Variants in ARMC9 observed in about 807,000 individuals in gnomAD.
ARMC9 encodes lisH domain-containing protein ARMC9.
A neutral mutation model predicts 107.0 loss-of-function variants in ARMC9; 94 were observed. The observed-to-expected ratio is 0.88, with a 90% confidence interval of 0.74 to 1.04. The LOEUF is 1.04. Ranked by LOEUF, ARMC9 falls within the 50% of genes least tolerant of loss-of-function variation. The pLI is 0.00. For missense variants in ARMC9, 942 were observed against 1,030.1 expected (o/e 0.91, Z 1.17); for synonymous variants, 380 against 396.9 (o/e 0.96, Z 0.51).
chr2:231,271,223 ATTG>A (rs2039302079), intron 13 of ARMC9, 151 bp downstream of exon 13: 3 of 768,996 alleles, frequency 3.9e-6, no homozygotes, highest in East Asian at 2.7e-5. Flanking sequence ...GTGAAAATTA[ATTG>A]TTGTCATATT....
At chr2:231,371,468 G>T (rs1015740445) in intron 24 of ARMC9, 45 bp from the exon 25 acceptor site, 1 of 1,272,344 alleles carries the variant, frequency 7.9e-7, no homozygotes, top group African/African-American at 1.5e-5. Context: ...GATTCTGTGC[G>T]GAGACCACAC....
At chr2:231,315,238 C>CAAAAACAAAAAACA (rs2042596779) in intron 19 of ARMC9, among the ~76,000 whole-genome samples, 1 of 94,308 alleles carries the variant, frequency 1.1e-5, no homozygotes, top group African/African-American at 3.7e-5. Flanking sequence ...GACTCTATCT[C>CAAAAACAAAAAACA]AAAAAAAAAA....
intron 21 of ARMC9, among the ~76,000 whole-genome samples, chr2:231,351,564 T>C (rs1358798602): frequency 6.6e-6 from 1 of 152,148 alleles, no homozygotes; most frequent in Non-Finnish European, 1.5e-5. Context: ...TAGTATAGTT[T>C]TTTCCTACAT....
intron 3 of ARMC9, among the ~76,000 whole-genome samples, chr2:231,214,267 C>T (rs2033242015): frequency 1.3e-5 from 2 of 152,212 alleles, no homozygotes; most frequent in Admixed American, 6.5e-5. Flanking sequence ...ATAATGGGGT[C>T]TGTGGTGGCT....
In ARMC9 at chr2:231,297,530, A is replaced by G. The variant is rs927055219; in HGVS notation, c.1773+1277A>G. Reference sequence around the variant, plus strand: ...GTAACACGGTGGCTGTCAGCAGTACATAAGTGGCTGAACGTGGCTGTGTTC... The same window carrying G: ...GTAACACGGTGGCTGTCAGCAGTACGTAAGTGGCTGAACGTGGCTGTGTTC... On this transcript the variant is annotated intron_variant, in intron 19 of 24. Coordinates refer to ENST00000611582, the MANE Select transcript of ARMC9 (RefSeq NM_001352754.2). The surrounding 1 kb of genome is among the most constrained non-coding windows in gnomAD (Gnocchi z 4.2). 9.9e-5 allele frequency among the ~76,000 whole-genome samples: 15 copies of G among 152,258 alleles called. No individual in the cohort carries two copies. Among genetic ancestry groups the G allele is most frequent in the African/African-American group, 3.4e-4 (14 of 41,476 alleles).
In ARMC9 at chr2:231,206,292, A is replaced by G; in HGVS notation, c.51+3A>G. 2 of 1,612,518 alleles carry G rather than the reference A, an allele frequency of 1.2e-6. No individual in the cohort carries two copies. The highest frequency in any genetic ancestry group is 1.3e-5 in the African/African-American group (1 of 75,028). ...AATTACTTGGACTAGTGAAAGAGGT[A>G]GGTATATTATACAAAGCAGAGGTCA... On this transcript the variant is annotated splice_donor_region_variant and intron_variant, in intron 2 of 24. Coordinates refer to ENST00000611582, the MANE Select transcript of ARMC9 (RefSeq NM_001352754.2).
intron 19 of ARMC9, among the ~76,000 whole-genome samples, chr2:231,316,091 TTA>T (rs1293398650): frequency 6.6e-6 from 1 of 152,086 alleles, no homozygotes; most frequent in African/African-American, 2.4e-5. Context: ...TTTGCTACAT[TTA>T]TGTTTATTAT....
chr2:231,291,332 T>C (rs764610007), intron 17 of ARMC9, 21 bp from the exon 18 acceptor site: 4 of 1,597,652 alleles, frequency 2.5e-6, no homozygotes, highest in Non-Finnish European at 3.4e-6. Context: ...TGTTAACTAT[T>C]ACTTTCGCCA....
intron 19 of ARMC9, among the ~76,000 whole-genome samples, chr2:231,307,683 C>T (rs1012913441): frequency 6.6e-6 from 1 of 152,220 alleles, no homozygotes; most frequent in Non-Finnish European, 1.5e-5. Context: ...CCAAACCCCC[C>T]TTCTTGGTTT....
At chr2:231,249,276 T>C (rs1465887448) in intron 9 of ARMC9, among the ~76,000 whole-genome samples, 1 of 152,168 alleles carries the variant, frequency 6.6e-6, no homozygotes, top group Admixed American at 6.5e-5. Flanking sequence ...GTTAATAAGC[T>C]TGTGAACTGC....
chr2:231,241,861 A>G (rs2036330469), intron 9 of ARMC9, among the ~76,000 whole-genome samples: 1 of 152,094 alleles, frequency 6.6e-6, no homozygotes, highest in Non-Finnish European at 1.5e-5. Flanking sequence ...CTGGGCTCTG[A>G]GCTTTCCAGC....
Position 231,235,555 on chromosome 2 carries a change from T to G in ARMC9, c.780+174T>G, listed in dbSNP as rs533936180. 2.0e-5 allele frequency among the ~76,000 whole-genome samples: 3 copies of G among 152,370 alleles called. No homozygotes were observed. In the East Asian group the frequency reaches 5.8e-4, roughly 29 times the overall value. ...TGAAGGAGATAAAGCTGATATTTTT[T>G]ACTGTTTTTATCAAGCTGCTTGCAG... On this transcript the variant is annotated intron_variant, in intron 8 of 24. Coordinates refer to ENST00000611582, the MANE Select transcript of ARMC9 (RefSeq NM_001352754.2).
chr2:231,272,089 A>G (rs2039369163), intron 13 of ARMC9, among the ~76,000 whole-genome samples: 1 of 151,310 alleles, frequency 6.6e-6, no homozygotes, highest in South Asian at 2.1e-4. Context: ...GTCACCAGAT[A>G]TTTCATTGAA....
At chr2:231,200,046 T>G (rs547529059) in intron 1 of ARMC9, among the ~76,000 whole-genome samples, 8 of 152,268 alleles carry the variant, frequency 5.3e-5, no homozygotes, top group African/African-American at 1.9e-4. Flanking sequence ...CCAGCAGCAC[T>G]CACATTCAAT....
In ARMC9 at chr2:231,371,931, C is replaced by G. The variant is rs755343388; in HGVS notation, c.*396C>G. ...GCGACAGTGTAGGGCCAGCCTGGAG[C>G]AGGGCTTTTCCAAGGCTGCTGAAGC... On this transcript the variant is annotated 3_prime_UTR_variant, in exon 25 of 25. Coordinates refer to ENST00000611582, the MANE Select transcript of ARMC9 (RefSeq NM_001352754.2). 5 of 194,444 alleles carry G rather than the reference C, an allele frequency of 2.6e-5. No individual in the cohort carries two copies. The highest frequency in any genetic ancestry group is 4.2e-5 in the Non-Finnish European group (4 of 96,174). The allele number at this position is 194,444 out of a possible 1,614,324, so 12.0% of individuals were successfully genotyped here.
In ARMC9 at chr2:231,370,044, C is replaced by T. The variant is rs772770214; in HGVS notation, c.2353C>T (p.Leu785=). Residue 785 remains leucine (L), a synonymous_variant, in exon 24 of 25, where the codon CTG becomes TTG. Coordinates refer to ENST00000611582, the MANE Select transcript of ARMC9 (RefSeq NM_001352754.2). ...WNPPKAKASV[L]APLFSSCGPQ... Reference sequence around the variant, plus strand: ...CCCACCCAAGGCAAAGGCGTCAGTTCTGGCCCCTCTGTTCTCTTCGTGTGG... The same window carrying T: ...CCCACCCAAGGCAAAGGCGTCAGTTTTGGCCCCTCTGTTCTCTTCGTGTGG... 6.5e-7 allele frequency: 1 copy of T among 1,535,870 alleles called. No individual in the cohort carries two copies. The highest frequency in any genetic ancestry group is 8.7e-7 in the Non-Finnish European group (1 of 1,146,768).
chr2:231,299,181 T>A (rs964611588), intron 19 of ARMC9, among the ~76,000 whole-genome samples: 5 of 152,050 alleles, frequency 3.3e-5, no homozygotes, highest in African/African-American at 1.2e-4. Context: ...TACTAAAATT[T>A]TAAAAAAAAT....
At position 231,361,473 on chromosome 2, in the gene ARMC9, A is replaced by G. The variant is rs531838074; in HGVS notation, c.2261+590A>G. ...AAATCAAAAAACTAAAAAAAAAAAA[A>G]GAAAAGAAAAAACTGGACCCCCGAG... On this transcript the variant is annotated intron_variant, in intron 23 of 24. Transcript: ENST00000611582. Among the ~76,000 whole-genome samples, 732 of 150,966 alleles carry G rather than the reference A, an allele frequency of 4.8e-3. 14 individuals are homozygous for G. The highest frequency in any genetic ancestry group is 0.016 in the African/African-American group (673 of 40,948).
Position 231,255,109 on chromosome 2 carries a change from CTG to C in ARMC9, c.880-1475_880-1474del, listed in dbSNP as rs1487703351. Reference sequence around the variant, plus strand: ...AGTCAGTTCAAACAAGCACTACACACTGTATCTGCTTATATGTTTCTCAGATG... The same window carrying C: ...AGTCAGTTCAAACAAGCACTACACACTATCTGCTTATATGTTTCTCAGATG... On this transcript the variant is annotated intron_variant, in intron 9 of 24. Coordinates refer to ENST00000611582, the MANE Select transcript of ARMC9 (RefSeq NM_001352754.2). This position sits in a 1 kb window ranked among gnomAD's most constrained non-coding sequence, Gnocchi z 4.7. Among the ~76,000 whole-genome samples, 2 of 152,072 alleles carry C rather than the reference CTG, an allele frequency of 1.3e-5. No individual in the cohort carries two copies. Among genetic ancestry groups the C allele is most frequent in the Non-Finnish European group, 2.9e-5 (2 of 68,024 alleles).
Sources: allele counts gnomAD v4.1 joint callset (sites outside exome capture counted in the v4.1 genomes callset), GRCh38; gene constraint gnomAD v4.1.1; non-coding constraint Gnocchi (gnomAD v3.1); transcripts MANE v1.5; gene names NCBI Gene and HGNC (gene_info 2026-07-23, HGNC 2026-07-21).